SVEP1: variants seen among roughly 807,000 people sequenced by gnomAD.
SVEP1 encodes sushi, von Willebrand factor type A, EGF and pentraxin domain-containing protein 1.
In SVEP1, 164 loss-of-function variants were observed where a neutral mutation model predicts 367.3. That is an observed-to-expected ratio of 0.45 (90% CI 0.39 to 0.51). The LOEUF (loss-of-function observed/expected upper bound fraction) is 0.51, where lower values mean the gene tolerates loss of function less well. Among genes scored for constraint, SVEP1 ranks in the 20% least tolerant of loss-of-function variants. The probability of loss-of-function intolerance (pLI) is 0.00; values close to 1 mark genes in which losing one functional copy is unlikely to be tolerated. For synonymous variants in SVEP1, 1,666 were observed against 1,611.6 expected, an observed-to-expected ratio of 1.03 and a Z score of -0.81; for missense variants, 4,117 against 4,425.3, an observed-to-expected ratio of 0.93 and a Z score of 1.98.
chr9:110,368,860 T>G (rs1827236546), intron 47 of SVEP1, among the ~76,000 whole-genome samples: 1 of 152,182 alleles, frequency 6.6e-6, no homozygotes, highest in Non-Finnish European at 1.5e-5. Context: ...TGTGAGGAAA[T>G]TCACTGGCAT....
In SVEP1 at chr9:110,448,942, T is replaced by A. The variant is rs961381327; in HGVS notation, c.4103+1117A>T. Among the ~76,000 whole-genome samples the A allele has an allele frequency of 7.5e-4, 114 of 152,222 alleles. 1 individual carries two copies. The highest frequency in any genetic ancestry group is 2.7e-3 in the African/African-American group (111 of 41,462). On this transcript the variant is annotated intron_variant, in intron 24 of 47. Coordinates refer to ENST00000374469, the MANE Select transcript of SVEP1 (RefSeq NM_153366.4). ...TGGGAGGATGGTAATGGAAGGGGGC[T>A]GAACTAGAAGAAAGGGGATTGGGAA...
chr9:110,522,444 G>A (rs1231107204), intron 3 of SVEP1, among the ~76,000 whole-genome samples: 1 of 152,162 alleles, frequency 6.6e-6, no homozygotes, highest in Non-Finnish European at 1.5e-5. Flanking sequence ...CTGGATTGTG[G>A]GATAGGCCAG....
chr9:110,470,637 T>C (rs1342986035), intron 16 of SVEP1, among the ~76,000 whole-genome samples: 1 of 152,018 alleles, frequency 6.6e-6, no homozygotes, highest in African/African-American at 2.4e-5. Context: ...GGTTTTGCCA[T>C]GTTGCCCAGG....
rs1370445094 is a variant in SVEP1, at chr9:110,501,591, AG to A, written c.1483+1446del. On this transcript the variant is annotated intron_variant, in intron 6 of 47. Coordinates refer to ENST00000374469, the MANE Select transcript of SVEP1 (RefSeq NM_153366.4). ...TCTCATAATTTCTTACAAGAGCTAA[AG>A]CTTAGAGAATAGTACTAAACAATGT... Among the ~76,000 whole-genome samples, 5 of 152,258 alleles carry A rather than the reference AG, an allele frequency of 3.3e-5. No homozygotes were observed. In the East Asian group the frequency reaches 9.6e-4, roughly 29 times the overall value.
At chr9:110,445,038 G>A (rs752189754) in intron 26 of SVEP1, among the ~76,000 whole-genome samples, 42 of 152,188 alleles carry the variant, frequency 2.8e-4, no homozygotes, top group Non-Finnish European at 4.6e-4. Context: ...GTAGGCCAAC[G>A]ATTTCAGTGG....
intron 30 of SVEP1, among the ~76,000 whole-genome samples, chr9:110,433,486 T>C (rs1418019675): frequency 8.8e-6 from 1 of 113,774 alleles, no homozygotes; most frequent in Non-Finnish European, 1.8e-5. Context: ...TTTTTTTTTT[T>C]AAGATAGGGT....
chr9:110,454,004 T>A (rs754598681), intron 22 of SVEP1, among the ~76,000 whole-genome samples: 13 of 152,166 alleles, frequency 8.5e-5, no homozygotes, highest in Non-Finnish European at 1.5e-4. Flanking sequence ...TGCTTATGTG[T>A]CTTCTTAGAG....
At chr9:110,562,494 T>A (rs1830445155) in intron 1 of SVEP1, among the ~76,000 whole-genome samples, 1 of 152,148 alleles carries the variant, frequency 6.6e-6, no homozygotes, top group South Asian at 2.1e-4. Context: ...GAAAGTAAGA[T>A]AATCTCAAAT....
At chr9:110,484,407 G>A (rs1396223528) in intron 9 of SVEP1, among the ~76,000 whole-genome samples, 3 of 152,190 alleles carry the variant, frequency 2.0e-5, no homozygotes, top group Non-Finnish European at 4.4e-5. Flanking sequence ...AAGGGTGGAT[G>A]TGAGGTGGGG....
Position 110,499,232 on chromosome 9 carries a change from T to C in SVEP1, c.1490A>G (p.His497Arg), listed in dbSNP as rs961232208. The C allele has an allele frequency of 6.2e-7, 1 of 1,612,468 alleles. No homozygotes were observed. The highest frequency in any genetic ancestry group is 8.5e-7 in the Non-Finnish European group (1 of 1,178,976). Reference sequence around the variant, plus strand: ...TTTGGGCATCTGAAAGGTGGAACAGTGGCGCTCTACGGTAGGGAAACAGAG... The same window carrying C: ...TTTGGGCATCTGAAAGGTGGAACAGCGGCGCTCTACGGTAGGGAAACAGAG... Reference protein sequence around the residue: ...DGPEPRCVERHCSTFQMPKDV... With the variant: ...DGPEPRCVERRCSTFQMPKDV... The change falls in exon 7 of 48, where the codon CAC becomes CGC. Residue 497 changes from histidine (H) to arginine (R), a missense_variant. His to Arg is a conservative substitution (Grantham distance 29, BLOSUM62 0). Coordinates refer to ENST00000374469, the MANE Select transcript of SVEP1 (RefSeq NM_153366.4).
chr9:110,427,302 CAAA>C (rs61616981), intron 36 of SVEP1, among the ~76,000 whole-genome samples: 2,299 of 81,920 alleles, frequency 0.028, 46 homozygotes, highest in African/African-American at 0.082. Flanking sequence ...GACTCTGTCT[CAAA>C]AAAAAAAAAA....
intron 3 of SVEP1, among the ~76,000 whole-genome samples, chr9:110,519,075 G>A (rs1829843797): frequency 6.6e-6 from 1 of 152,094 alleles, no homozygotes; most frequent in Non-Finnish European, 1.5e-5. Context: ...CCCTTCCCCT[G>A]ACTCCCACCA....
intron 1 of SVEP1, among the ~76,000 whole-genome samples, chr9:110,575,861 A>C (rs1830622132): frequency 6.6e-6 from 1 of 152,340 alleles, no homozygotes; most frequent in African/African-American, 2.4e-5. Context: ...AAAAGGAGCT[A>C]TATATGGACA....
intron 26 of SVEP1, among the ~76,000 whole-genome samples, chr9:110,444,863 G>A (rs1464678907): frequency 6.6e-6 from 1 of 152,146 alleles, no homozygotes; most frequent in African/African-American, 2.4e-5. Flanking sequence ...TGTCTCAAAG[G>A]AGGGTTTTTG....
chr9:110,425,142 C>T (rs1320772332), intron 36 of SVEP1, among the ~76,000 whole-genome samples: 1 of 152,088 alleles, frequency 6.6e-6, no homozygotes, highest in Admixed American at 6.5e-5. Flanking sequence ...GTTTTAATTT[C>T]AGAAAAATAA....
intron 36 of SVEP1, 128 bp downstream of exon 36, chr9:110,427,463 G>T: frequency 8.9e-7 from 1 of 1,129,886 alleles, no homozygotes; most frequent in Non-Finnish European, 1.3e-6. Context: ...GGAAATAAAA[G>T]CATAAGGCTC....
intron 21 of SVEP1, 113 bp from the exon 22 acceptor site, chr9:110,455,816 G>GTTAAA: frequency 4.6e-6 from 2 of 434,116 alleles, no homozygotes; most frequent in South Asian, 4.1e-5. Flanking sequence ...AATGGGTAGT[G>GTTAAA]GTAAAGGGTA....
At chr9:110,476,075 T>G in intron 14 of SVEP1, 129 bp downstream of exon 14, 3 of 575,464 alleles carry the variant, frequency 5.2e-6, no homozygotes, top group Non-Finnish European at 9.1e-6. Flanking sequence ...TCAAATTATT[T>G]AGCCATCCTA....
At chr9:110,500,729 C>G (rs1446438252) in intron 6 of SVEP1, among the ~76,000 whole-genome samples, 3 of 151,906 alleles carry the variant, frequency 2.0e-5, no homozygotes, top group Non-Finnish European at 4.4e-5. Flanking sequence ...TTTTTTTTCC[C>G]TCAACTGACC....
Sources: allele counts gnomAD v4.1 joint callset (sites outside exome capture counted in the v4.1 genomes callset), GRCh38; gene constraint gnomAD v4.1.1; transcripts MANE v1.5; gene names NCBI Gene and HGNC (gene_info 2026-07-23, HGNC 2026-07-21).